Variants in PCDHGB3 observed in about 807,000 individuals in gnomAD.
PCDHGB3 encodes the protein protocadherin gamma subfamily B, 3, also known as protocadherin gamma-B3.
A neutral mutation model predicts 59.2 loss-of-function variants in PCDHGB3; 40 were observed. The observed-to-expected ratio is 0.68, with a 90% CI of 0.52 to 0.88. The LOEUF is 0.88. Ranked by LOEUF, PCDHGB3 falls within the 40% of genes least tolerant of loss-of-function variation. The pLI, the probability that PCDHGB3 is intolerant of heterozygous loss-of-function variation, is 0.00. For missense variants in PCDHGB3, 1,309 were observed against 1,187.9 expected (o/e 1.10, Z -1.50); for synonymous variants, 581 against 503.6 (o/e 1.15, Z -2.06).
Position 141,485,790 on chromosome 5 carries a change from C to T in PCDHGB3, c.2416-9017C>T. On this transcript the variant is annotated intron_variant, in intron 1 of 3. Transcript: ENST00000576222. This position sits in a 1 kb window ranked among gnomAD's most constrained non-coding sequence, Gnocchi z 5.7. The stretch of plus-strand genomic sequence containing the variant: ...AAGCCTTTGGATCGAGAGAAGCAAT[C>T]GGACTACCGCCTGGTGCTGACTGCT... 6.2e-7 allele frequency: 1 copy of T among 1,614,204 alleles called. No homozygotes were observed. Among genetic ancestry groups the T allele is most frequent in the Non-Finnish European group, 8.5e-7 (1 of 1,180,032 alleles).
intron 1 of PCDHGB3, chr5:141,411,907 G>A (rs2095522781): frequency 1.3e-5 from 2 of 152,156 alleles, no homozygotes; most frequent in Non-Finnish European, 2.9e-5. Flanking sequence ...TATTGCCTTT[G>A]CACTCAGTCT....
chr5:141,483,442 AATCATCAGGACTTGTTG>A (rs2099581330), intron 1 of PCDHGB3, among the ~76,000 whole-genome samples: 1 of 152,196 alleles, frequency 6.6e-6, no homozygotes, highest in Non-Finnish European at 1.5e-5. Context: ...ACTACAATAA[AATCATCAGGACTTGTTG>A]ATTGACATGA....
At chr5:141,414,270 T>G in intron 1 of PCDHGB3, 1 of 1,613,476 alleles carries the variant, frequency 6.2e-7, no homozygotes, top group Non-Finnish European at 8.5e-7. Context: ...AAGATTCACC[T>G]CTGGGAACAG....
chr5:141,468,648 C>G (rs60206946), intron 1 of PCDHGB3: 27,626 of 151,800 alleles, frequency 0.18, 2,687 homozygotes, highest in Admixed American at 0.28. Flanking sequence ...GGGCGGATCA[C>G]AAGGTCAGGA....
chr5:141,509,825 C>A (rs1057042581), intron 3 of PCDHGB3, among the ~76,000 whole-genome samples: 18 of 152,222 alleles, frequency 1.2e-4, no homozygotes, highest in African/African-American at 1.2e-4. Context: ...TCTCCATCTT[C>A]TCTCTACCTC....
intron 1 of PCDHGB3, chr5:141,427,536 G>A (rs758610182): frequency 4.8e-6 from 3 of 626,396 alleles, no homozygotes; most frequent in Middle Eastern, 2.5e-4. Flanking sequence ...GGAGTACAAC[G>A]TCACCATCAC....
intron 1 of PCDHGB3, chr5:141,408,226 G>T (rs909432449): frequency 2.1e-5 from 33 of 1,562,288 alleles, no homozygotes; most frequent in Admixed American, 3.9e-5. Flanking sequence ...GCGCGCAGAG[G>T]CGCCGGGCCG....
At chr5:141,375,018 C>T (rs754559115) in intron 1 of PCDHGB3, 7 of 1,613,982 alleles carry the variant, frequency 4.3e-6, no homozygotes, top group Non-Finnish European at 4.2e-6. Flanking sequence ...TATGAGGACT[C>T]GAGTTTTTAT....
rs1299979776 is a variant in PCDHGB3 at position 141,512,453 on chromosome 5, G to GC, written c.*1282dup. On this transcript the variant is annotated 3_prime_UTR_variant, in exon 4 of 4. Transcript: ENST00000576222. ...TCCTGAAGCCTCAGTCCTTCACCTT[G>GC]CCAGGTGCCGTTTCTCTTCCGTGAA... The GC allele has an allele frequency of 6.5e-6, 1 of 152,880 alleles. No homozygotes were observed. The allele number at this position is 152,880 out of a possible 1,614,324, so 9.5% of individuals were successfully genotyped here.
At chr5:141,427,570 C>T (rs1487817661) in intron 1 of PCDHGB3, 1 of 662,270 alleles carries the variant, frequency 1.5e-6, no homozygotes, top group Admixed American at 2.1e-5. Context: ...GGCAAGCCTC[C>T]GCTCTCATCC....
rs140056243 is a variant in PCDHGB3 at position 141,487,386 on chromosome 5, G to A, written c.2416-7421G>A. 21 of 1,614,046 alleles carry A rather than the reference G, an allele frequency of 1.3e-5. No individual in the cohort carries two copies. The highest frequency in any genetic ancestry group is 4.0e-5 in the African/African-American group (3 of 74,920). On this transcript the variant is annotated intron_variant, in intron 1 of 3. Coordinates refer to ENST00000576222, the MANE Select transcript of PCDHGB3 (RefSeq NM_018924.5). The surrounding 1 kb of genome is among the most constrained non-coding windows in gnomAD (Gnocchi z 5.0). Reference sequence around the variant, plus strand: ...ACCTGTGCCTGTCTCACCAGATCTCGAAGGAGGGAGGGGCTTCCCCCTTCC... The same window carrying A: ...ACCTGTGCCTGTCTCACCAGATCTCAAAGGAGGGAGGGGCTTCCCCCTTCC...
intron 1 of PCDHGB3, chr5:141,441,917 A>G (rs979307331): frequency 3.1e-5 from 11 of 352,364 alleles, no homozygotes; most frequent in African/African-American, 2.0e-4. Context: ...GATGTGAGAC[A>G]CAATGCGTGG....
chr5:141,399,055 G>A (rs372997829), intron 1 of PCDHGB3: 3 of 1,613,726 alleles, frequency 1.9e-6, no homozygotes, highest in African/African-American at 2.7e-5. Context: ...AGAGACCAAG[G>A]AATATTCAAT....
chr5:141,393,892 C>A lies in PCDHGB3; in HGVS notation c.2415+21083C>A, dbSNP rs775134910. The A allele has an allele frequency of 1.2e-5, 19 of 1,613,856 alleles. No homozygotes were observed. Among genetic ancestry groups the A allele is most frequent in the Admixed American group, 6.7e-5 (4 of 60,000 alleles). ...TTGTTTAGCCCAGTGTTAGAAAATT[C>A]TCTTCCCGGGACAGTAATTGCCTTC... On this transcript the variant is annotated intron_variant, in intron 1 of 3. Transcript: ENST00000576222.
chr5:141,400,003 C>T, intron 1 of PCDHGB3: 5 of 1,612,396 alleles, frequency 3.1e-6, no homozygotes, highest in Non-Finnish European at 4.2e-6. Flanking sequence ...GCGCACAGCG[C>T]GTGCCTTGGG....
intron 1 of PCDHGB3, among the ~76,000 whole-genome samples, chr5:141,450,826 A>ATT (rs764729742): frequency 0.025 from 3,390 of 134,266 alleles, 60 homozygotes; most frequent in Middle Eastern, 0.057. Flanking sequence ...TATTATTATT[A>ATT]TTATTTTTTT....
rs543366398 is a variant in PCDHGB3 at position 141,390,062 on chromosome 5, G to A, written c.2415+17253G>A. On this transcript the variant is annotated intron_variant, in intron 1 of 3. Coordinates refer to ENST00000576222, the MANE Select transcript of PCDHGB3 (RefSeq NM_018924.5). ...GCCCCGCCTCCTGGAGCTGCTTCCAGCCTGGTCTCTGTGTTAAATCCGAAT... is the reference window on the plus strand; with the variant it reads ...GCCCCGCCTCCTGGAGCTGCTTCCAACCTGGTCTCTGTGTTAAATCCGAAT... 101 of 1,614,064 alleles carry A rather than the reference G, an allele frequency of 6.3e-5. 1 individual carries two copies. The Admixed American group carries it at 8.2e-4, about 13-fold the overall frequency.
chr5:141,425,207 G>A lies in PCDHGB3; in HGVS notation c.2415+52398G>A, dbSNP rs546494803. 1.8e-3 allele frequency among the ~76,000 whole-genome samples: 281 copies of A among 152,238 alleles called. 1 individual carries two copies. The highest frequency in any genetic ancestry group is 6.6e-3 in the African/African-American group (274 of 41,534). ...TCCAAACTGAGAAAAATGATGTAAG[G>A]CATTGTACTTTGACTGGAATTAGTT... On this transcript the variant is annotated intron_variant, in intron 1 of 3. Coordinates refer to ENST00000576222, the MANE Select transcript of PCDHGB3 (RefSeq NM_018924.5).
intron 3 of PCDHGB3, among the ~76,000 whole-genome samples, chr5:141,506,877 G>A (rs998146154): frequency 1.3e-5 from 2 of 152,142 alleles, no homozygotes; most frequent in Non-Finnish European, 2.9e-5. Flanking sequence ...AGAGAACCAG[G>A]TGAAATCACA....
Sources: allele counts gnomAD v4.1 joint callset (sites outside exome capture counted in the v4.1 genomes callset), GRCh38; gene constraint gnomAD v4.1.1; non-coding constraint Gnocchi (gnomAD v3.1); transcripts MANE v1.5; gene names NCBI Gene and HGNC (gene_info 2026-07-23, HGNC 2026-07-21).